The following SORL1 variants were observed in gnomAD, a reference collection of about 807,000 sequenced individuals.
The protein encoded by SORL1 is sortilin related receptor 1.
SORL1 carries 127 observed loss-of-function variants against 273.7 expected under a neutral mutation model. That is an observed-to-expected ratio of 0.46 (90% CI 0.40 to 0.54). The LOEUF (loss-of-function observed/expected upper bound fraction) is 0.54. Ranked by LOEUF, SORL1 falls within the 20% of genes least tolerant of loss-of-function variation. The probability of loss-of-function intolerance (pLI) is 0.00; values close to 1 mark genes in which losing one functional copy is unlikely to be tolerated. For synonymous variants in SORL1, 1,031 were observed against 1,067.4 expected, an observed-to-expected ratio of 0.97 and a Z score of 0.66; for missense variants, 2,494 against 2,846.1, an observed-to-expected ratio of 0.88 and a Z score of 2.81.
At chr11:121,473,459 A>G (rs1282317889) in intron 2 of SORL1, among the ~76,000 whole-genome samples, 2 of 152,258 alleles carry the variant, frequency 1.3e-5, no homozygotes, top group Admixed American at 6.5e-5. Flanking sequence ...AAGAATTAAT[A>G]GATGTTTATC....
intron 6 of SORL1, among the ~76,000 whole-genome samples, chr11:121,512,500 T>G (rs1363322310): frequency 6.6e-6 from 1 of 152,222 alleles, no homozygotes; most frequent in Non-Finnish European, 1.5e-5. Flanking sequence ...CAATGAAGAT[T>G]CTCTCAAGTC....
At chr11:121,601,763 G>C (rs756765486) in intron 32 of SORL1, among the ~76,000 whole-genome samples, 1 of 152,020 alleles carries the variant, frequency 6.6e-6, no homozygotes, top group Non-Finnish European at 1.5e-5. Flanking sequence ...AAAATTTTGA[G>C]ACATACTTTA....
intron 6 of SORL1, among the ~76,000 whole-genome samples, chr11:121,512,165 A>G (rs1200277459): frequency 1.3e-5 from 2 of 152,228 alleles, no homozygotes; most frequent in Admixed American, 6.5e-5. Flanking sequence ...AAAATAAATG[A>G]GTGTATATAA....
chr11:121,464,755 T>C (rs1206384269), intron 1 of SORL1, among the ~76,000 whole-genome samples: 2 of 152,186 alleles, frequency 1.3e-5, no homozygotes, highest in Non-Finnish European at 2.9e-5. Flanking sequence ...CTGCGGCTGT[T>C]TCTCCAGCTG....
rs775646236 is a variant in SORL1 at position 121,621,171 on chromosome 11, C to T, written c.5997C>T (p.Gly1999=). Residue 1999 remains glycine, a synonymous_variant, in exon 44 of 48, where the codon GGC becomes GGT. Transcript: ENST00000260197. Reference sequence around the variant, plus strand: ...ACACCCTTAACAAGTTGGAGCCTGGCGGGAAATACCACATCATTGTCCAAC... The same window carrying T: ...ACACCCTTAACAAGTTGGAGCCTGGTGGGAAATACCACATCATTGTCCAAC... ...VEYTLNKLEP[G]GKYHIIVQLG... 38 of 1,613,902 alleles carry T rather than the reference C, an allele frequency of 2.4e-5. No homozygotes were observed. The highest frequency in any genetic ancestry group is 6.7e-5 in the East Asian group (3 of 44,882).
chr11:121,513,090 A>T lies in SORL1; in HGVS notation c.1027A>T (p.Arg343Ter). Residue 343 changes from arginine (R) to a stop codon, truncating the protein, a stop_gained, in exon 7 of 48, where the codon AGA (arginine) becomes TGA (stop). Transcript: ENST00000260197. LOFTEE classifies it high-confidence loss of function. ...KPMRAAQFVT[R>*]HPINEYYIAD... ...CATGAGAGCAGCCCAGTTTGTCACA[A>T]GACATCCTATTAATGTGAGTGGGGT... 1 of 1,612,436 alleles carries T rather than the reference A, an allele frequency of 6.2e-7. No individual in the cohort carries two copies. Among genetic ancestry groups the T allele is most frequent in the South Asian group, 1.1e-5 (1 of 91,044 alleles).
chr11:121,568,674 T>C (rs1221424331), intron 22 of SORL1, among the ~76,000 whole-genome samples: 2 of 152,184 alleles, frequency 1.3e-5, no homozygotes, highest in African/African-American at 4.8e-5. Context: ...ATTGAATCTG[T>C]ATGTTTTAAT....
chr11:121,615,249 T>G (rs1425012537), intron 41 of SORL1, among the ~76,000 whole-genome samples, 194 bp downstream of exon 41: 1 of 152,190 alleles, frequency 6.6e-6, no homozygotes, highest in Non-Finnish European at 1.5e-5. Context: ...GTGCTCCTTT[T>G]TGAGTCTACT....
chr11:121,628,064 C>G (rs1388662579), intron 47 of SORL1, among the ~76,000 whole-genome samples: 14 of 152,140 alleles, frequency 9.2e-5, no homozygotes, highest in Admixed American at 9.2e-4. Context: ...AATATCTGAC[C>G]CCTGTCTCAT....
At chr11:121,498,051 G>A (rs1225876335) in intron 6 of SORL1, among the ~76,000 whole-genome samples, 2 of 152,148 alleles carry the variant, frequency 1.3e-5, no homozygotes, top group Non-Finnish European at 2.9e-5. Flanking sequence ...AGATGTGGGT[G>A]GCTAAAGGCT....
intron 47 of SORL1, 97 bp from the exon 48 acceptor site, chr11:121,629,398 AG>A (rs1863842414): frequency 8.2e-6 from 6 of 729,158 alleles, no homozygotes; most frequent in Non-Finnish European, 1.0e-5. Context: ...TCTCAGCTAG[AG>A]GGTTGTGGTA....
In SORL1 at chr11:121,490,087, G is replaced by C. The variant is rs1861529326; in HGVS notation, c.735G>C (p.Gln245His). 1.9e-6 allele frequency: 3 copies of C among 1,613,798 alleles called. No homozygotes were observed. Among genetic ancestry groups the C allele is most frequent in the Non-Finnish European group, 2.5e-6 (3 of 1,179,660 alleles). The change falls in exon 5 of 48, where the codon CAG becomes CAC. Residue 245 changes from glutamine (Q) to histidine (H), a missense_variant. By Grantham distance (24) the Gln-to-His change is conservative. Transcript: ENST00000260197. Reference protein sequence around the residue: ...DDFGQTWIMIQEHVKSFSWGI... With the variant: ...DDFGQTWIMIHEHVKSFSWGI... ...TTGGCCAGACCTGGATCATGATTCAGGAACATGTCAAGTCCTTTTCTTGGT... is the reference window on the plus strand; with the variant it reads ...TTGGCCAGACCTGGATCATGATTCACGAACATGTCAAGTCCTTTTCTTGGT...
intron 45 of SORL1, among the ~76,000 whole-genome samples, chr11:121,624,591 G>A (rs1863767502): frequency 6.6e-6 from 1 of 152,222 alleles, no homozygotes; most frequent in Admixed American, 6.5e-5. Context: ...GACAGGAAGT[G>A]AGCCGACAAG....
rs148244035 is a variant in SORL1 at position 121,540,299 on chromosome 11, G to A, written c.1686-3249G>A. On this transcript the variant is annotated intron_variant, in intron 12 of 47. Transcript: ENST00000260197. ...ATCTTCTTGAGAGTTTTTGGCCCTG[G>A]GATTATGTCTATATTTTTATCTGAA... 9.0e-4 allele frequency among the ~76,000 whole-genome samples: 137 copies of A among 151,820 alleles called. 1 individual carries two copies. The highest frequency in any genetic ancestry group is 3.3e-3 in the African/African-American group (135 of 41,408).
chr11:121,581,843 T>C (rs1223019371), intron 25 of SORL1, among the ~76,000 whole-genome samples: 1 of 152,190 alleles, frequency 6.6e-6, no homozygotes, highest in East Asian at 1.9e-4. Flanking sequence ...AGTATGGCAA[T>C]TGGTTTAGGC....
Position 121,520,811 on chromosome 11 carries a change from C to T in SORL1, c.1366C>T (p.Pro456Ser), listed in dbSNP as rs1862029779. Residue 456 changes from proline to serine, a missense_variant, in exon 9 of 48, where the codon CCA becomes TCA. Coordinates refer to ENST00000260197, the MANE Select transcript of SORL1 (RefSeq NM_003105.6). ...KGGTWEFLQA[P>S]AFTGYGEKIN... The stretch of plus-strand genomic sequence containing the variant: ...GGGAACCTGGGAGTTTCTTCAGGCT[C>T]CAGCCTTCACGGGATATGGAGAGAA... 6.2e-7 allele frequency: 1 copy of T among 1,609,430 alleles called. No individual in the cohort carries two copies. Among genetic ancestry groups the T allele is most frequent in the Non-Finnish European group, 8.5e-7 (1 of 1,178,580 alleles).
intron 8 of SORL1, among the ~76,000 whole-genome samples, chr11:121,519,500 G>A (rs373827167): frequency 7.3e-5 from 11 of 151,332 alleles, no homozygotes; most frequent in African/African-American, 2.7e-4. Context: ...CAAGCTCCGC[G>A]TCCCGGGTTC....
intron 3 of SORL1, among the ~76,000 whole-genome samples, chr11:121,483,161 C>A (rs1024439712): frequency 1.7e-4 from 26 of 152,354 alleles, no homozygotes; most frequent in African/African-American, 5.8e-4. Context: ...TCATAGCTCA[C>A]TGTAACCTCA....
chr11:121,524,988 A>G (rs1365176806), intron 11 of SORL1, among the ~76,000 whole-genome samples: 1 of 152,032 alleles, frequency 6.6e-6, no homozygotes. Flanking sequence ...TGAAGCAGAT[A>G]AGGGGACAGT....
Sources: allele counts gnomAD v4.1 joint callset (sites outside exome capture counted in the v4.1 genomes callset), GRCh38; gene constraint gnomAD v4.1.1; transcripts MANE v1.5; gene names NCBI Gene and HGNC (gene_info 2026-07-23, HGNC 2026-07-21).